FHOD3: variants seen among roughly 807,000 people sequenced by gnomAD.
FHOD3 encodes FH1/FH2 domain-containing protein 3.
FHOD3 carries 90 observed loss-of-function variants against 173.0 expected under a neutral mutation model. The ratio of observed to expected loss-of-function variants is 0.52; its 90% CI spans 0.44 to 0.62. The LOEUF (loss-of-function observed/expected upper bound fraction) is 0.62, where lower values mean the gene tolerates loss of function less well. Ranked by LOEUF, FHOD3 falls within the 20% of genes least tolerant of loss-of-function variation. The probability of loss-of-function intolerance (pLI) is 0.00; values close to 1 mark genes in which losing one functional copy is unlikely to be tolerated. For missense variants in FHOD3, 1,945 were observed against 2,034.7 expected, an observed-to-expected ratio of 0.96 and a Z score of 0.85; for synonymous variants, 828 against 823.0, an observed-to-expected ratio of 1.01 and a Z score of -0.10.
At chr18:36,452,274 TG>T (rs1447442953) in intron 3 of FHOD3, among the ~76,000 whole-genome samples, 1 of 152,130 alleles carries the variant, frequency 6.6e-6, no homozygotes, top group Non-Finnish European at 1.5e-5. Flanking sequence ...TAGTTTTTCT[TG>T]GAGAATTAAT....
intron 9 of FHOD3, 130 bp downstream of exon 9, chr18:36,612,225 G>T: frequency 1.0e-6 from 1 of 981,990 alleles, no homozygotes; most frequent in African/African-American, 1.6e-5. Context: ...AGCATCGTAG[G>T]CTTCACCCCA....
intron 5 of FHOD3, among the ~76,000 whole-genome samples, chr18:36,534,837 C>G (rs2056929100): frequency 6.6e-6 from 1 of 152,174 alleles, no homozygotes; most frequent in South Asian, 2.1e-4. Flanking sequence ...TGCTAACTTG[C>G]AAACTCCAGG....
At chr18:36,593,042 TGA>T (rs976745945) in intron 6 of FHOD3, among the ~76,000 whole-genome samples, 3 of 152,060 alleles carry the variant, frequency 2.0e-5, no homozygotes, top group Non-Finnish European at 4.4e-5. Context: ...CTTCCCACAC[TGA>T]GAGACTGAGC....
chr18:36,622,268 G>T (rs977546946), intron 9 of FHOD3, among the ~76,000 whole-genome samples: 1 of 152,084 alleles, frequency 6.6e-6, no homozygotes, highest in Non-Finnish European at 1.5e-5. Context: ...ATACCACATC[G>T]TCCCTCTAGT....
At chr18:36,407,897 A>G (rs8089295) in intron 3 of FHOD3, among the ~76,000 whole-genome samples, 66,870 of 152,116 alleles carry the variant, frequency 0.44, 15,157 homozygotes, top group East Asian at 0.68. Flanking sequence ...AGTGAGAGCT[A>G]GTAGATGATC....
At chr18:36,573,333 G>A (rs750868971) in intron 5 of FHOD3, among the ~76,000 whole-genome samples, 6 of 152,026 alleles carry the variant, frequency 3.9e-5, no homozygotes, top group Admixed American at 6.5e-5. Context: ...AACTGGGCAC[G>A]GTGGCTTATG....
chr18:36,609,073 CTG>C (rs1158736863), intron 8 of FHOD3, among the ~76,000 whole-genome samples: 2 of 152,244 alleles, frequency 1.3e-5, no homozygotes, highest in Non-Finnish European at 2.9e-5. Flanking sequence ...ATTTCCCCCT[CTG>C]AGAGAGATTT....
chr18:36,750,444 A>G (rs2042355779), intron 24 of FHOD3, among the ~76,000 whole-genome samples: 1 of 152,118 alleles, frequency 6.6e-6, no homozygotes, highest in Admixed American at 6.5e-5. Flanking sequence ...TTATCTGTTT[A>G]CTCTGTTGAT....
intron 1 of FHOD3, among the ~76,000 whole-genome samples, chr18:36,303,879 G>A (rs1056116719): frequency 6.6e-6 from 1 of 152,068 alleles, no homozygotes; most frequent in Non-Finnish European, 1.5e-5. Context: ...GGGTGAAGGG[G>A]GAGCTGGGGG....
intron 5 of FHOD3, among the ~76,000 whole-genome samples, chr18:36,569,727 G>T (rs1268401324): frequency 6.6e-6 from 1 of 152,104 alleles, no homozygotes; most frequent in Non-Finnish European, 1.5e-5. Flanking sequence ...TTGAAATACT[G>T]TAATTTCTGA....
At chr18:36,510,782 TC>T (rs1348716257) in intron 4 of FHOD3, among the ~76,000 whole-genome samples, 2 of 152,198 alleles carry the variant, frequency 1.3e-5, no homozygotes, top group African/African-American at 4.8e-5. Context: ...CATGATATTG[TC>T]CCATTTTCTT....
At chr18:36,605,058 G>A (rs2031904521) in intron 8 of FHOD3, among the ~76,000 whole-genome samples, 1 of 152,126 alleles carries the variant, frequency 6.6e-6, no homozygotes, top group Admixed American at 6.5e-5. Flanking sequence ...GGTGGGAAAT[G>A]GGCACAACTT....
intron 2 of FHOD3, among the ~76,000 whole-genome samples, chr18:36,364,404 C>A (rs940367391): frequency 1.3e-5 from 2 of 152,088 alleles, no homozygotes; most frequent in African/African-American, 4.8e-5. Context: ...GAGTGCACGC[C>A]CATTTCTGTG....
At chr18:36,530,240 C>G (rs2056725734) in intron 5 of FHOD3, among the ~76,000 whole-genome samples, 1 of 152,118 alleles carries the variant, frequency 6.6e-6, no homozygotes, top group Admixed American at 6.6e-5. Context: ...GAAGCATGAC[C>G]AGTACGTGAT....
chr18:36,753,238 A>C (rs1052068206), intron 24 of FHOD3, among the ~76,000 whole-genome samples: 3 of 152,110 alleles, frequency 2.0e-5, no homozygotes, highest in African/African-American at 7.2e-5. Flanking sequence ...GCAGGCTCTC[A>C]GTTCCTTGGC....
intron 11 of FHOD3, among the ~76,000 whole-genome samples, chr18:36,651,116 C>T (rs1315636222): frequency 6.6e-6 from 1 of 152,162 alleles, no homozygotes; most frequent in Non-Finnish European, 1.5e-5. Flanking sequence ...TGCCCTGCTT[C>T]CTGCTGACTT....
In FHOD3 at chr18:36,763,373, G is replaced by A. The variant is rs888387156; in HGVS notation, c.4624+2591G>A. Reference sequence around the variant, plus strand: ...ATTATACACGTTATATACAATATGCGTATTATACACGTTATATACAATATG... The same window carrying A: ...ATTATACACGTTATATACAATATGCATATTATACACGTTATATACAATATG... On this transcript the variant is annotated intron_variant, in intron 27 of 28. Transcript: ENST00000590592. Among the ~76,000 whole-genome samples, 6 of 140,472 alleles carry A rather than the reference G, an allele frequency of 4.3e-5. No homozygotes were observed. In the East Asian group the frequency reaches 6.3e-4, roughly 15 times the overall value. The allele number at this position is 140,472 out of a possible 152,430, so 92.2% of individuals were successfully genotyped here.
At chr18:36,530,246 G>A (rs1174333706) in intron 5 of FHOD3, among the ~76,000 whole-genome samples, 4 of 152,168 alleles carry the variant, frequency 2.6e-5, no homozygotes, top group Admixed American at 6.5e-5. Context: ...TGACCAGTAC[G>A]TGATTTGGCC....
In FHOD3 at chr18:36,512,401, A is replaced by G. The variant is rs377516666; in HGVS notation, c.406-37A>G. 158 of 1,469,980 alleles carry G rather than the reference A, an allele frequency of 1.1e-4. No individual in the cohort carries two copies. In the South Asian group the frequency reaches 1.2e-3, roughly 11 times the overall value. 91.1% of individuals were successfully genotyped at this position (1,469,980 alleles called of 1,614,324 possible). On this transcript the variant is annotated intron_variant, in intron 4 of 28. Coordinates refer to ENST00000590592, the MANE Select transcript of FHOD3 (RefSeq NM_001281740.3). ...CAGCTGGGATGGAAGGTGGACAGGG[A>G]CAGTATTTGAAGTATTTTTGTTTTC...
Sources: allele counts gnomAD v4.1 joint callset (sites outside exome capture counted in the v4.1 genomes callset), GRCh38; gene constraint gnomAD v4.1.1; transcripts MANE v1.5; gene names NCBI Gene and HGNC (gene_info 2026-07-23, HGNC 2026-07-21).